Variants in ERMAP observed in about 807,000 individuals in gnomAD.
ERMAP encodes the protein erythroblast membrane associated protein (Scianna blood group).
Under a neutral mutation model 49.5 loss-of-function variants are expected in ERMAP, and 34 were observed. The ratio of observed to expected loss-of-function variants is 0.69; its 90% confidence interval spans 0.52 to 0.91. The LOEUF is 0.91. ERMAP is among the 40% of genes least tolerant of loss of function. ERMAP has a pLI of 0.00. For synonymous variants in ERMAP, 214 were observed against 232.2 expected (o/e 0.92, Z 0.71); for missense variants, 541 against 582.6 (o/e 0.93, Z 0.74).
At chr1:42,842,308 C>G (rs372367570) in intron 11 of ERMAP, among the ~76,000 whole-genome samples, 17 of 152,244 alleles carry the variant, frequency 1.1e-4, no homozygotes, top group African/African-American at 4.1e-4. Flanking sequence ...AGAACTTTTT[C>G]TTCTATTACT....
chr1:42,826,898 C>A (rs533624485), intron 2 of ERMAP, among the ~76,000 whole-genome samples: 1 of 151,154 alleles, frequency 6.6e-6, no homozygotes, highest in Non-Finnish European at 1.5e-5. Context: ...CAGTAAGGGA[C>A]CAAGCCAAGA....
chr1:42,836,983 A>AG, intron 6 of ERMAP, 175 bp from the exon 7 acceptor site: 1 of 603,392 alleles, frequency 1.7e-6, no homozygotes. Context: ...AGGATGTGGG[A>AG]GACAATTTGG....
intron 1 of ERMAP, among the ~76,000 whole-genome samples, chr1:42,821,320 C>T (rs904465595): frequency 1.3e-5 from 2 of 152,166 alleles, no homozygotes; most frequent in African/African-American, 4.8e-5. Flanking sequence ...CTAGAGCTCC[C>T]TCTTTTTAAG....
In ERMAP at chr1:42,843,302, C is replaced by A. The variant is rs1159601456; in HGVS notation, c.*70C>A. ...CCTGGACTTCAGTCGCCTGGCCCAA[C>A]CCCATGATTATGGAACGTCTCTTCA... On this transcript the variant is annotated 3_prime_UTR_variant, in exon 12 of 12. Transcript: ENST00000372517. 8.6e-7 allele frequency: 1 copy of A among 1,159,610 alleles called. No homozygotes were observed. Among genetic ancestry groups the A allele is most frequent in the Non-Finnish European group, 1.2e-6 (1 of 827,766 alleles). The allele number at this position is 1,159,610 out of a possible 1,614,324, so 71.8% of individuals were successfully genotyped here.
Position 42,830,850 on chromosome 1 carries a change from CG to C in ERMAP, c.171del (p.Thr58ArgfsTer6). 6.2e-7 allele frequency: 1 copy of C among 1,606,720 alleles called. No individual in the cohort carries two copies. Among genetic ancestry groups the C allele is most frequent in the Non-Finnish European group, 8.5e-7 (1 of 1,176,708 alleles). On this transcript the variant is annotated frameshift_variant, in exon 4 of 12. Coordinates refer to ENST00000372517, the MANE Select transcript of ERMAP (RefSeq NM_001017922.2). LOFTEE classifies it high-confidence loss of function. ...TGCTCTGCCCTCTCTCCCTCTGGCC[CG>C]GGACGGTACCCAAGGAGGTGAGGTG... ...ELLCPLSLWP[G>X]TVPKEVRWLR...
chr1:42,830,747 C>G (rs1654698640), intron 3 of ERMAP, 21 bp from the exon 4 acceptor site: 1 of 1,510,704 alleles, frequency 6.6e-7, no homozygotes, highest in Non-Finnish European at 8.9e-7. Context: ...CCCAGTTGGC[C>G]TTGTCTCTTT....
At chr1:42,837,257 T>C in intron 7 of ERMAP, 67 bp downstream of exon 7, 1 of 1,501,320 alleles carries the variant, frequency 6.7e-7, no homozygotes, top group Non-Finnish European at 9.2e-7. Context: ...ATGTAAATGT[T>C]GACAGTCATT....
rs1250823349 is a variant in ERMAP at position 42,835,154 on chromosome 1, G to C, written c.550G>C (p.Glu184Gln). The change falls in exon 5 of 12, where the codon GAA (glutamate) becomes CAA (glutamine). Residue 184 changes from glutamate to glutamine, a missense_variant and splice_region_variant. By Grantham distance (29) the Glu-to-Gln change is conservative. Transcript: ENST00000372517. Reference protein sequence around the residue: ...CLIWKQRRAKEKLLYEHVTEV... With the variant: ...CLIWKQRRAKQKLLYEHVTEV... ...TATCTGGAAGCAAAGAAGAGCAAAA[G>C]GTAATTAAATGGTAAGGGAGCTCAG... 1 of 1,289,704 alleles carries C rather than the reference G, an allele frequency of 7.8e-7. No individual in the cohort carries two copies. The highest frequency in any genetic ancestry group is 1.2e-5 in the South Asian group (1 of 84,538). 79.9% of individuals were successfully genotyped at this position (1,289,704 alleles called of 1,614,324 possible).
At chr1:42,836,916 A>AAG in intron 6 of ERMAP, 1 of 386,088 alleles carries the variant, frequency 2.6e-6, no homozygotes, top group East Asian at 3.9e-5. Flanking sequence ...AAAAAAAAAA[A>AAG]AAACTAAACA....
At chr1:42,831,256 A>G (rs1462015604) in intron 4 of ERMAP, 141 bp downstream of exon 4, 1 of 1,054,232 alleles carries the variant, frequency 9.5e-7, no homozygotes. Context: ...AGCCTTACCC[A>G]GCCATGTCCA....
Position 42,825,647 on chromosome 1 carries a change from C to A in ERMAP, c.-97C>A. 1 of 1,289,270 alleles carries A rather than the reference C, an allele frequency of 7.8e-7. No homozygotes were observed. Among genetic ancestry groups the A allele is most frequent in the South Asian group, 1.2e-5 (1 of 81,004 alleles). The allele number at this position is 1,289,270 out of a possible 1,614,324, so 79.9% of individuals were successfully genotyped here. ...GGCCTTCCTGATGCGCTTGCCTGCT[C>A]CCTGGTCTCTCTGCATGGGGAAGGA... On this transcript the variant is annotated 5_prime_UTR_variant, in exon 2 of 12. Coordinates refer to ENST00000372517, the MANE Select transcript of ERMAP (RefSeq NM_001017922.2).
intron 8 of ERMAP, 80 bp downstream of exon 8, chr1:42,839,001 C>T: frequency 6.2e-7 from 1 of 1,611,244 alleles, no homozygotes; most frequent in Non-Finnish European, 8.5e-7. Context: ...AGTTTCACTT[C>T]CTGGGGCAGA....
At chr1:42,830,693 T>A (rs1654697232) in intron 3 of ERMAP, 75 bp from the exon 4 acceptor site, 2 of 1,440,322 alleles carry the variant, frequency 1.4e-6, no homozygotes, top group Non-Finnish European at 1.9e-6. Flanking sequence ...GTCCCCGGGA[T>A]ATCCTCTTCC....
At chr1:42,830,717 A>G (rs1433136505) in intron 3 of ERMAP, 51 bp from the exon 4 acceptor site, 1 of 1,478,304 alleles carries the variant, frequency 6.8e-7, no homozygotes, top group Non-Finnish European at 9.0e-7. Context: ...TCCCTTCCCA[A>G]GCTTTCTCCT....
chr1:42,836,932 C>A, intron 6 of ERMAP: 1 of 395,876 alleles, frequency 2.5e-6, no homozygotes, highest in Admixed American at 4.4e-5. Context: ...AAACAATTCT[C>A]TCAGGCTGCA....
rs753063024 is a variant in ERMAP, at chr1:42,835,782, G to GA, written c.583+18_583+19insA. ...GGAGGTGGGTAAGTGTTCTTGGCTG[G>GA]GGGGCAGGGGAGATGTTTCTTTTGT... On this transcript the variant is annotated intron_variant, in intron 6 of 11. Transcript: ENST00000372517. The GA allele has an allele frequency of 2.5e-6, 4 of 1,600,050 alleles. No individual in the cohort carries two copies. Among genetic ancestry groups the GA allele is most frequent in the Non-Finnish European group, 3.4e-6 (4 of 1,174,194 alleles).
chr1:42,827,999 A>G (rs1312244041), intron 2 of ERMAP, among the ~76,000 whole-genome samples: 1 of 152,122 alleles, frequency 6.6e-6, no homozygotes, highest in Non-Finnish European at 1.5e-5. Context: ...AATAAGAACT[A>G]TTATTGATTT....
At chr1:42,826,424 G>A (rs1654553882) in intron 2 of ERMAP, among the ~76,000 whole-genome samples, 1 of 152,046 alleles carries the variant, frequency 6.6e-6, no homozygotes, top group Non-Finnish European at 1.5e-5. Flanking sequence ...GTAAGGTTGT[G>A]GGAAAACAAG....
At chr1:42,826,283 G>A (rs1212974181) in intron 2 of ERMAP, among the ~76,000 whole-genome samples, 5 of 151,958 alleles carry the variant, frequency 3.3e-5, no homozygotes, top group Non-Finnish European at 7.4e-5. Context: ...AATTGACAAA[G>A]TCCAAATAAC....
Sources: gnomAD v4.1 joint callset for allele counts (sites outside exome capture counted in the v4.1 genomes callset) on GRCh38, gnomAD v4.1.1 for gene constraint, MANE v1.5 for transcripts, NCBI Gene and HGNC (gene_info 2026-07-23, HGNC 2026-07-21) for gene names.